The following CACNA1A variants were observed in gnomAD, a reference collection of about 807,000 sequenced individuals.
The protein encoded by CACNA1A is voltage-dependent P/Q-type calcium channel subunit alpha-1A.
CACNA1A carries 57 observed loss-of-function variants against 262.4 expected under a neutral mutation model. The observed-to-expected ratio is 0.22, with a 90% confidence interval of 0.18 to 0.27. The LOEUF (loss-of-function observed/expected upper bound fraction) is 0.27, where lower values mean the gene tolerates loss of function less well. CACNA1A is among the 10% of genes least tolerant of loss of function. The pLI is 1.00. For synonymous variants in CACNA1A, 1,431 were observed against 1,419.3 expected (o/e 1.01, Z -0.18); for missense variants, 2,526 against 3,562.8 (o/e 0.71, Z 7.41).
At chr19:13,505,616 A>G (rs1982928731) in intron 1 of CACNA1A, among the ~76,000 whole-genome samples, 1 of 152,026 alleles carries the variant, frequency 6.6e-6, no homozygotes, top group South Asian at 2.1e-4. Flanking sequence ...TTGGCTCGAA[A>G]GCCCCCACCA....
intron 3 of CACNA1A, among the ~76,000 whole-genome samples, chr19:13,429,966 T>C (rs1324015026): frequency 2.4e-5 from 1 of 41,520 alleles, no homozygotes; most frequent in African/African-American, 9.1e-5. Context: ...GCTGGGGGAG[T>C]GGGGAGTGTG....
rs556089457 is a variant in CACNA1A, at chr19:13,435,730, G to A, written c.539+17146C>T. On this transcript the variant is annotated intron_variant, in intron 3 of 46. Coordinates refer to ENST00000360228, the MANE Select transcript of CACNA1A (RefSeq NM_001127222.2). ...TCGGGTCACTCGGCTGGGCACTGGAGAAGCCCATGACTGTCTGACTGCAGG... is the reference window on the plus strand; with the variant it reads ...TCGGGTCACTCGGCTGGGCACTGGAAAAGCCCATGACTGTCTGACTGCAGG... 1.6e-3 allele frequency among the ~76,000 whole-genome samples: 238 copies of A among 152,328 alleles called. 10 individuals carry two copies. The highest frequency in any genetic ancestry group is 1.2e-3 in the Non-Finnish European group (79 of 68,036).
intron 6 of CACNA1A, among the ~76,000 whole-genome samples, chr19:13,336,680 T>C (rs942211533): frequency 2.0e-5 from 3 of 149,836 alleles, no homozygotes; most frequent in Non-Finnish European, 4.4e-5. Context: ...GTATTTATGG[T>C]GTGCTGGCAC....
At chr19:13,264,576 A>G (rs945102087) in intron 24 of CACNA1A, among the ~76,000 whole-genome samples, 3 of 152,168 alleles carry the variant, frequency 2.0e-5, no homozygotes, top group African/African-American at 7.2e-5. Flanking sequence ...TTATGGCTAC[A>G]TATCTCAAGC....
chr19:13,348,956 C>T (rs1403646529), intron 6 of CACNA1A, among the ~76,000 whole-genome samples: 5 of 137,222 alleles, frequency 3.6e-5, no homozygotes, highest in East Asian at 2.5e-4. Context: ...TGTAGTGAGC[C>T]GAGATTGCGC....
intron 24 of CACNA1A, among the ~76,000 whole-genome samples, chr19:13,269,534 G>A (rs1194933890): frequency 6.6e-6 from 1 of 152,186 alleles, no homozygotes; most frequent in Non-Finnish European, 1.5e-5. Flanking sequence ...TTGGCTCCTG[G>A]GTATGCAGGA....
chr19:13,249,701 C>A (rs190242594), intron 30 of CACNA1A, among the ~76,000 whole-genome samples: 5 of 152,232 alleles, frequency 3.3e-5, no homozygotes, highest in Non-Finnish European at 7.4e-5. Flanking sequence ...TCATCCTCAA[C>A]CCTCTAGATG....
At chr19:13,366,906 G>A (rs2059223182) in intron 4 of CACNA1A, among the ~76,000 whole-genome samples, 1 of 152,160 alleles carries the variant, frequency 6.6e-6, no homozygotes, top group Non-Finnish European at 1.5e-5. Flanking sequence ...AAGCCCCTGA[G>A]GTGGCCATAC....
At chr19:13,476,884 A>T (rs542797545) in intron 1 of CACNA1A, among the ~76,000 whole-genome samples, 9 of 152,106 alleles carry the variant, frequency 5.9e-5, no homozygotes, top group African/African-American at 1.9e-4. Flanking sequence ...CCTGCCCCCA[A>T]CCTTCAAAGT....
intron 3 of CACNA1A, among the ~76,000 whole-genome samples, chr19:13,383,049 C>T (rs1009309647): frequency 6.6e-6 from 1 of 152,120 alleles, no homozygotes; most frequent in South Asian, 2.1e-4. Context: ...TGAGGGGCAA[C>T]GGTGGTGAAG....
intron 1 of CACNA1A, among the ~76,000 whole-genome samples, chr19:13,471,899 G>A (rs897248351): frequency 9.2e-5 from 14 of 152,122 alleles, no homozygotes; most frequent in Admixed American, 3.3e-4. Context: ...TTGTGAATGC[G>A]CTGAATGCCA....
intron 1 of CACNA1A, among the ~76,000 whole-genome samples, chr19:13,481,055 CTTTT>C (rs1568689897): frequency 4.6e-5 from 7 of 152,136 alleles, no homozygotes; most frequent in Non-Finnish European, 1.0e-4. Flanking sequence ...TCGGTTTTCT[CTTTT>C]TGTTACACGG....
rs1031282465 is a variant in CACNA1A at position 13,264,032 on chromosome 19, T to C, written c.3990-1199A>G. 2.6e-5 allele frequency among the ~76,000 whole-genome samples: 4 copies of C among 152,250 alleles called. No individual in the cohort carries two copies. The East Asian group carries it at 7.7e-4, about 29-fold the overall frequency. ...GGCTGCTGCCATGGTCTCTGCTGCA[T>C]TGCTCCAAGGGTCTCTGAGCCCATC... On this transcript the variant is annotated intron_variant, in intron 24 of 46. Coordinates refer to ENST00000360228, the MANE Select transcript of CACNA1A (RefSeq NM_001127222.2).
chr19:13,488,380 TTTTTC>T (rs1274472636), intron 1 of CACNA1A, among the ~76,000 whole-genome samples: 31 of 147,554 alleles, frequency 2.1e-4, no homozygotes, highest in East Asian at 4.0e-4. Context: ...AGCATTTTCC[TTTTTC>T]TTTTCTTTTT....
At chr19:13,318,255 T>A (rs945658704) in intron 10 of CACNA1A, among the ~76,000 whole-genome samples, 1 of 152,138 alleles carries the variant, frequency 6.6e-6, no homozygotes, top group African/African-American at 2.4e-5. Context: ...TTTAGTATCT[T>A]AGGTAGAGGA....
Position 13,212,159 on chromosome 19 carries a change from G to A in CACNA1A, c.6247C>T (p.Pro2083Ser), listed in dbSNP as rs1244966977. 2 of 1,613,902 alleles carry A rather than the reference G, an allele frequency of 1.2e-6. No homozygotes were observed. The highest frequency in any genetic ancestry group is 1.7e-6 in the Non-Finnish European group (2 of 1,179,810). Residue 2083 changes from proline to serine, a missense_variant, in exon 43 of 47, where the codon CCC (proline) becomes TCC (serine). By Grantham distance (74) the Pro-to-Ser change is moderately conservative. Coordinates refer to ENST00000360228, the MANE Select transcript of CACNA1A (RefSeq NM_001127222.2). This position sits in a 1 kb window ranked among gnomAD's most constrained non-coding sequence, Gnocchi z 5.6. ...DGYSDSEHYLPMEGQGRAASM... is the reference protein window; with the variant it reads ...DGYSDSEHYLSMEGQGRAASM... ...GCAGCCCGGCCCTGGCCTTCCATGG[G>A]GAGGTAGTGCTCGCTGTCGGAGTAG...
chr19:13,485,864 C>T (rs934609296), intron 1 of CACNA1A, among the ~76,000 whole-genome samples: 2 of 152,150 alleles, frequency 1.3e-5, no homozygotes, highest in South Asian at 2.1e-4. Flanking sequence ...TCACACAGAG[C>T]GATGTGCTCC....
At chr19:13,223,971 G>A (rs1204897650) in intron 38 of CACNA1A, among the ~76,000 whole-genome samples, 1 of 152,096 alleles carries the variant, frequency 6.6e-6, no homozygotes. Context: ...TTTGAGACCA[G>A]CCTGGGCAAC....
At chr19:13,249,530 C>G (rs956291581) in intron 30 of CACNA1A, among the ~76,000 whole-genome samples, 1 of 152,012 alleles carries the variant, frequency 6.6e-6, no homozygotes, top group Non-Finnish European at 1.5e-5. Flanking sequence ...TAATTTTGTA[C>G]TTTTTGTAGA....
Sources: gnomAD v4.1 joint callset for allele counts (sites outside exome capture counted in the v4.1 genomes callset) on GRCh38, gnomAD v4.1.1 for gene constraint, Gnocchi (gnomAD v3.1) non-coding constraint, MANE v1.5 for transcripts, NCBI Gene and HGNC (gene_info 2026-07-23, HGNC 2026-07-21) for gene names.